The following GAB1 variants were observed in gnomAD, a reference collection of about 807,000 sequenced individuals.
GAB1 encodes the protein GRB2-associated-binding protein 1.
A neutral mutation model predicts 66.5 loss-of-function variants in GAB1; 19 were observed. The ratio of observed to expected loss-of-function variants is 0.29; its 90% CI spans 0.20 to 0.42. GAB1 has a LOEUF of 0.42. Ranked by LOEUF, GAB1 falls within the 10% of genes least tolerant of loss-of-function variation. GAB1 has a pLI of 1.00. For synonymous variants in GAB1, 294 were observed against 301.4 expected (o/e 0.98, Z 0.25); for missense variants, 732 against 858.5 (o/e 0.85, Z 1.84).
intron 1 of GAB1, among the ~76,000 whole-genome samples, chr4:143,352,560 C>T (rs1729274497): frequency 1.3e-5 from 2 of 152,198 alleles, no homozygotes; most frequent in Admixed American, 1.3e-4. Context: ...CTTCAGTGTG[C>T]ATAACAATCA....
At chr4:143,385,811 C>T (rs1488023188) in intron 1 of GAB1, among the ~76,000 whole-genome samples, 1 of 152,138 alleles carries the variant, frequency 6.6e-6, no homozygotes, top group Non-Finnish European at 1.5e-5. Context: ...GTCAGCCAGC[C>T]AGAAATTATT....
chr4:143,450,144 G>GT (rs1415192064), intron 6 of GAB1, among the ~76,000 whole-genome samples: 1 of 151,880 alleles, frequency 6.6e-6, no homozygotes, highest in African/African-American at 2.4e-5. Context: ...TTAATGTGGG[G>GT]TTTTTTCCTC....
At chr4:143,449,843 C>G (rs1187218005) in intron 6 of GAB1, among the ~76,000 whole-genome samples, 1 of 151,054 alleles carries the variant, frequency 6.6e-6, no homozygotes, top group Non-Finnish European at 1.5e-5. Context: ...ATGATGTTAG[C>G]TGGTTATTTT....
intron 6 of GAB1, among the ~76,000 whole-genome samples, chr4:143,448,535 G>A (rs1238696956): frequency 6.6e-6 from 1 of 150,616 alleles, no homozygotes; most frequent in East Asian, 1.9e-4. Flanking sequence ...TGTATGTGTC[G>A]AGGAATTTAT....
chr4:143,361,012 G>C (rs1274312703), intron 1 of GAB1, among the ~76,000 whole-genome samples: 1 of 152,050 alleles, frequency 6.6e-6, no homozygotes, highest in African/African-American at 2.4e-5. Context: ...TTTGCTATCA[G>C]GCTAACATAA....
At chr4:143,457,672 C>T in intron 6 of GAB1, 3 of 1,273,274 alleles carry the variant, frequency 2.4e-6, no homozygotes, top group Non-Finnish European at 2.1e-6. Context: ...CTTCTTTTTA[C>T]CAATTAGGTC....
intron 1 of GAB1, among the ~76,000 whole-genome samples, chr4:143,388,466 G>A (rs1469109151): frequency 6.6e-6 from 1 of 152,148 alleles, no homozygotes; most frequent in East Asian, 1.9e-4. Flanking sequence ...CCAGGCTGGA[G>A]AGCAGTAGAG....
At chr4:143,468,215 T>C (rs1340747496) in intron 9 of GAB1, among the ~76,000 whole-genome samples, 132 of 130,532 alleles carry the variant, frequency 1.0e-3, no homozygotes, top group African/African-American at 4.3e-3. Flanking sequence ...ATTCTTTTTT[T>C]TTTTTTTTTT....
intron 1 of GAB1, among the ~76,000 whole-genome samples, chr4:143,404,638 C>G (rs1486888482): frequency 6.6e-6 from 1 of 152,086 alleles, no homozygotes; most frequent in Non-Finnish European, 1.5e-5. Context: ...GTGGTCCCAG[C>G]TACTGGACAG....
intron 1 of GAB1, chr4:143,380,860 A>G (rs1430181347): frequency 6.6e-6 from 1 of 152,248 alleles, no homozygotes; most frequent in Non-Finnish European, 1.5e-5. Flanking sequence ...CGCTGAGTGT[A>G]TGCCAGATAT....
At chr4:143,369,238 G>A (rs747291787) in intron 1 of GAB1, among the ~76,000 whole-genome samples, 1 of 152,054 alleles carries the variant, frequency 6.6e-6, no homozygotes, top group African/African-American at 2.4e-5. Context: ...ACCGCACCCG[G>A]CCATTTTTTT....
chr4:143,352,016 A>G (rs1284121736), intron 1 of GAB1, among the ~76,000 whole-genome samples: 1 of 152,230 alleles, frequency 6.6e-6, no homozygotes, highest in Non-Finnish European at 1.5e-5. Context: ...AGTCATTGAG[A>G]TGGCTGAGCC....
intron 1 of GAB1, among the ~76,000 whole-genome samples, chr4:143,369,829 T>C (rs1269909446): frequency 6.6e-6 from 1 of 152,270 alleles, no homozygotes; most frequent in African/African-American, 2.4e-5. Context: ...CCGTGCCTAT[T>C]GTATGTCTCC....
chr4:143,420,684 A>G (rs1732964556), intron 2 of GAB1, among the ~76,000 whole-genome samples: 1 of 152,094 alleles, frequency 6.6e-6, no homozygotes, highest in Admixed American at 6.5e-5. Flanking sequence ...CTTCATATAA[A>G]GGTCTCTAAT....
intron 1 of GAB1, among the ~76,000 whole-genome samples, chr4:143,392,708 G>C (rs1210295311): frequency 6.6e-6 from 1 of 152,084 alleles, no homozygotes; most frequent in East Asian, 1.9e-4. Flanking sequence ...TGAATATTTT[G>C]ATAATGCAAC....
chr4:143,411,027 A>G (rs1426815677), intron 1 of GAB1, among the ~76,000 whole-genome samples: 1 of 152,188 alleles, frequency 6.6e-6, no homozygotes, highest in African/African-American at 2.4e-5. Context: ...TCTAGGGGGT[A>G]GATTTTGTGC....
At chr4:143,384,492 G>C (rs1730806408) in intron 1 of GAB1, among the ~76,000 whole-genome samples, 1 of 152,176 alleles carries the variant, frequency 6.6e-6, no homozygotes, top group African/African-American at 2.4e-5. Flanking sequence ...CTTTCCTTGA[G>C]TTTCCAGGCT....
At chr4:143,454,519 G>C (rs1735081723) in intron 6 of GAB1, among the ~76,000 whole-genome samples, 1 of 152,164 alleles carries the variant, frequency 6.6e-6, no homozygotes, top group Non-Finnish European at 1.5e-5. Context: ...TGGCACTAGA[G>C]AATTTCTTTG....
At chr4:143,431,482 TG>T (rs1733649595) in intron 2 of GAB1, among the ~76,000 whole-genome samples, 1 of 152,086 alleles carries the variant, frequency 6.6e-6, no homozygotes, top group Admixed American at 6.6e-5. Context: ...TTAAGCTGAG[TG>T]CTCTTTAAGA....
Sources: allele counts gnomAD v4.1 joint callset (sites outside exome capture counted in the v4.1 genomes callset), GRCh38; gene constraint gnomAD v4.1.1; transcripts MANE v1.5; gene names NCBI Gene and HGNC (gene_info 2026-07-23, HGNC 2026-07-21).